The following TACC3 variants were observed in gnomAD, a reference collection of about 807,000 sequenced individuals.
TACC3 encodes the protein transforming acidic coiled-coil-containing protein 3.
A neutral mutation model predicts 86.0 loss-of-function variants in TACC3; 52 were observed. That is an observed-to-expected ratio of 0.60 (90% confidence interval 0.48 to 0.76). TACC3 has a LOEUF of 0.76. Ranked by LOEUF, TACC3 falls within the 30% of genes least tolerant of loss-of-function variation. TACC3 has a pLI of 0.00. For synonymous variants in TACC3, 512 were observed against 430.0 expected (o/e 1.19, Z -2.36); for missense variants, 1,120 against 1,070.4 (o/e 1.05, Z -0.65).
rs1211778405 is a variant in TACC3 at position 1,740,242 on chromosome 4, A to T, written c.2062+240A>T. On this transcript the variant is annotated intron_variant, in intron 12 of 15. Coordinates refer to ENST00000313288, the MANE Select transcript of TACC3 (RefSeq NM_006342.3). ...CTTGGCAGGCCCCACAGTTGTGCAGATGCTGAGCTAGCAGTGGGGCTGTGG... is the reference window on the plus strand; with the variant it reads ...CTTGGCAGGCCCCACAGTTGTGCAGTTGCTGAGCTAGCAGTGGGGCTGTGG... 8.5e-6 allele frequency: 5 copies of T among 586,022 alleles called. No individual in the cohort carries two copies. In the African/African-American group the frequency reaches 9.3e-5, roughly 11 times the overall value. The allele number at this position is 586,022 out of a possible 1,614,324, so 36.3% of individuals were successfully genotyped here. A position where few individuals can be genotyped will look rare whatever the true frequency, so the allele number is the denominator to read the frequency against.
In TACC3 at chr4:1,728,130, C is replaced by G. The variant is rs757267722; in HGVS notation, c.728C>G (p.Ala243Gly). 6.2e-7 allele frequency: 1 copy of G among 1,611,914 alleles called. No homozygotes were observed. Among genetic ancestry groups the G allele is most frequent in the East Asian group, 2.2e-5 (1 of 44,816 alleles). Residue 243 changes from alanine (A) to glycine (G), a missense_variant, in exon 4 of 16, where the codon GCT becomes GGT. Coordinates refer to ENST00000313288, the MANE Select transcript of TACC3 (RefSeq NM_006342.3). Reference sequence around the variant, plus strand: ...GAATGCCGGCACGGTGGGGTCTGTGCTCCCGCAGCAGTGGCCACTTCGCCT... The same window carrying G: ...GAATGCCGGCACGGTGGGGTCTGTGGTCCCGCAGCAGTGGCCACTTCGCCT... ...EEECRHGGVC[A>G]PAAVATSPPG...
At chr4:1,724,839 G>A (rs1323451213) in intron 3 of TACC3, among the ~76,000 whole-genome samples, 1 of 151,694 alleles carries the variant, frequency 6.6e-6, no homozygotes, top group Non-Finnish European at 1.5e-5. Context: ...ACAGCTCACT[G>A]CAGCCTCAAC....
At chr4:1,739,837 CATCCCCCTCGCCATCCTT>C in intron 11 of TACC3, 59 bp downstream of exon 11, 1 of 1,550,078 alleles carries the variant, frequency 6.5e-7, no homozygotes, top group Non-Finnish European at 8.8e-7. Flanking sequence ...TCCTTGTCCC[CATCCCCCTCGCCATCCTT>C]GTCCCCATCC....
intron 3 of TACC3, among the ~76,000 whole-genome samples, chr4:1,724,696 A>T (rs1309642086): frequency 6.6e-6 from 1 of 151,850 alleles, no homozygotes; most frequent in Non-Finnish European, 1.5e-5. Context: ...GGAACACCTC[A>T]TCTGCATCCA....
chr4:1,727,144 A>G (rs901834947), intron 3 of TACC3, among the ~76,000 whole-genome samples: 4 of 151,556 alleles, frequency 2.6e-5, no homozygotes, highest in African/African-American at 9.7e-5. Flanking sequence ...AAAAAAAAAC[A>G]TAAAAATAAA....
chr4:1,727,832 T>A lies in TACC3; in HGVS notation c.430T>A (p.Ser144Thr). The change falls in exon 4 of 16, where the codon TCT (serine) becomes ACT (threonine). Residue 144 changes from serine (S) to threonine (T), a missense_variant. Coordinates refer to ENST00000313288, the MANE Select transcript of TACC3 (RefSeq NM_006342.3). ...PAFGSGSSSE[S>T]GPGALADLDC... is the part of the protein sequence containing the mutation. The stretch of plus-strand genomic sequence containing the variant: ...CTTTGGGAGTGGCAGCTCCAGCGAG[T>A]CTGGCCCAGGTGCCCTGGCTGACCT... 1 of 1,612,966 alleles carries A rather than the reference T, an allele frequency of 6.2e-7. No individual in the cohort carries two copies. Among genetic ancestry groups the A allele is most frequent in the Non-Finnish European group, 8.5e-7 (1 of 1,179,978 alleles).
chr4:1,740,146 C>A lies in TACC3; in HGVS notation c.2062+144C>A, dbSNP rs531684054. On this transcript the variant is annotated intron_variant, in intron 12 of 15. Coordinates refer to ENST00000313288, the MANE Select transcript of TACC3 (RefSeq NM_006342.3). Reference sequence around the variant, plus strand: ...ACGAGTCCCTTCAACATGGGCCCGGCCGTGGAAGCACTGAGGCGAGTTGCG... The same window carrying A: ...ACGAGTCCCTTCAACATGGGCCCGGACGTGGAAGCACTGAGGCGAGTTGCG... 21 of 781,018 alleles carry A rather than the reference C, an allele frequency of 2.7e-5. No homozygotes were observed. The East Asian group carries it at 3.4e-4, about 13-fold the overall frequency. 48.4% of individuals were successfully genotyped at this position (781,018 alleles called of 1,614,324 possible).
Position 1,728,111 on chromosome 4 carries a change from C to G in TACC3, c.709C>G (p.Arg237Gly). Residue 237 changes from arginine (R) to glycine (G), a missense_variant, in exon 4 of 16, where the codon CGG becomes GGG. By Grantham distance (125) the Arg-to-Gly change is moderately radical (BLOSUM62 -2). Transcript: ENST00000313288. ...TCCGCACGGAGCCGAGGAGGAATGC[C>G]GGCACGGTGGGGTCTGTGCTCCCGC... is the stretch of plus-strand genomic sequence containing the variant. ...ETPHGAEEEC[R>G]HGGVCAPAAV... is the part of the protein sequence containing the mutation. 1 of 1,612,416 alleles carries G rather than the reference C, an allele frequency of 6.2e-7. No individual in the cohort carries two copies. Among genetic ancestry groups the G allele is most frequent in the Middle Eastern group, 1.7e-4 (1 of 6,060 alleles).
rs908273963 is a variant in TACC3, at chr4:1,735,043, T to A, written c.1592-230T>A. Among the ~76,000 whole-genome samples the A allele has an allele frequency of 3.9e-5, 6 of 152,214 alleles. No individual in the cohort carries two copies. Among genetic ancestry groups the A allele is most frequent in the Non-Finnish European group, 5.9e-5 (4 of 68,024 alleles). On this transcript the variant is annotated intron_variant, in intron 6 of 15. Transcript: ENST00000313288. This position sits in a 1 kb window ranked among gnomAD's most constrained non-coding sequence, Gnocchi z 4.2. ...TGTTTGTGGTTGTCACACCTGGAGGTGCTGCTGGCAGGGAGTGGGTAGAGG... is the reference window on the plus strand; with the variant it reads ...TGTTTGTGGTTGTCACACCTGGAGGAGCTGCTGGCAGGGAGTGGGTAGAGG...
At chr4:1,731,623 A>G (rs1351586235) in intron 6 of TACC3, among the ~76,000 whole-genome samples, 1 of 152,182 alleles carries the variant, frequency 6.6e-6, no homozygotes, top group Non-Finnish European at 1.5e-5. Context: ...ATCATCAGAA[A>G]TACTGCTTGA....
At chr4:1,740,044 G>A (rs1221296501) in intron 12 of TACC3, 42 bp downstream of exon 12, 8 of 1,606,982 alleles carry the variant, frequency 5.0e-6, no homozygotes, top group African/African-American at 2.7e-5. Context: ...TCCACGAGGG[G>A]CTGCCTATGC....
rs937624323 is a variant in TACC3, at chr4:1,728,102, G to A, written c.700G>A (p.Glu234Lys). ...AGCGGAGACTCCGCACGGAGCCGAGGAGGAATGCCGGCACGGTGGGGTCTG... is the reference window on the plus strand; with the variant it reads ...AGCGGAGACTCCGCACGGAGCCGAGAAGGAATGCCGGCACGGTGGGGTCTG... ...CKAETPHGAE[E>K]ECRHGGVCAP... is the part of the protein sequence containing the mutation. Residue 234 changes from glutamate (E) to lysine (K), a missense_variant, in exon 4 of 16, where the codon GAG (glutamate) becomes AAG (lysine). Coordinates refer to ENST00000313288, the MANE Select transcript of TACC3 (RefSeq NM_006342.3). The A allele has an allele frequency of 3.1e-6, 5 of 1,612,432 alleles. No individual in the cohort carries two copies. The highest frequency in any genetic ancestry group is 4.2e-6 in the Non-Finnish European group (5 of 1,179,830).
Position 1,735,682 on chromosome 4 carries a change from G to C in TACC3, c.1645-49G>C, listed in dbSNP as rs556825339. The C allele has an allele frequency of 6.9e-7, 1 of 1,455,874 alleles. No individual in the cohort carries two copies. Among genetic ancestry groups the C allele is most frequent in the Admixed American group, 1.7e-5 (1 of 59,772 alleles). The allele number at this position is 1,455,874 out of a possible 1,614,324, so 90.2% of individuals were successfully genotyped here. A position where few individuals can be genotyped will look rare whatever the true frequency, so the allele number is the denominator to read the frequency against. On this transcript the variant is annotated intron_variant, in intron 7 of 15. Coordinates refer to ENST00000313288, the MANE Select transcript of TACC3 (RefSeq NM_006342.3). The surrounding 1 kb of genome is among the most constrained non-coding windows in gnomAD (Gnocchi z 4.2). ...CCTCCCTGGCCCTTAGCCCCCGTGTGTGTTAGGGGATGGCAGTCAGACCTG... is the reference window on the plus strand; with the variant it reads ...CCTCCCTGGCCCTTAGCCCCCGTGTCTGTTAGGGGATGGCAGTCAGACCTG...
intron 11 of TACC3, 28 bp downstream of exon 11, chr4:1,739,806 C>G (rs1560321684): frequency 6.4e-7 from 1 of 1,570,356 alleles, no homozygotes; most frequent in African/African-American, 1.4e-5. Flanking sequence ...CCTGTCCTCC[C>G]CGTCCCCATC....
In TACC3 at chr4:1,728,061, C is replaced by T. The variant is rs1478157230; in HGVS notation, c.659C>T (p.Ala220Val). Residue 220 changes from alanine to valine, a missense_variant, in exon 4 of 16, where the codon GCC becomes GTC. By Grantham distance (64) the Ala-to-Val change is moderately conservative. Transcript: ENST00000313288. ...CACAAAGCGGAGACTCCGCACGGAG[C>T]CGAGGAAGAATGCAAAGCGGAGACT... ...SQHKAETPHG[A>V]EEECKAETPH... 6.5e-7 allele frequency: 1 copy of T among 1,542,366 alleles called. No individual in the cohort carries two copies. Among genetic ancestry groups the T allele is most frequent in the Non-Finnish European group, 8.8e-7 (1 of 1,141,562 alleles).
Position 1,735,372 on chromosome 4 carries a change from G to T in TACC3, c.1644+47G>T. Reference sequence around the variant, plus strand: ...GAAGCCTCACCCACAGGGTGTCCGAGAGCAGCCACGGCAGGTCTTGCCCCC... The same window carrying T: ...GAAGCCTCACCCACAGGGTGTCCGATAGCAGCCACGGCAGGTCTTGCCCCC... On this transcript the variant is annotated intron_variant, in intron 7 of 15. Transcript: ENST00000313288. This position sits in a 1 kb window ranked among gnomAD's most constrained non-coding sequence, Gnocchi z 4.2. The T allele has an allele frequency of 6.2e-7, 1 of 1,611,066 alleles. No homozygotes were observed. The highest frequency in any genetic ancestry group is 1.1e-5 in the South Asian group (1 of 91,048).
At chr4:1,733,636 C>T (rs1047103030) in intron 6 of TACC3, among the ~76,000 whole-genome samples, 14 of 151,610 alleles carry the variant, frequency 9.2e-5, no homozygotes, top group Admixed American at 3.9e-4. Flanking sequence ...CCAGTCTGGG[C>T]GACAGCGAGA....
rs753064828 is a variant in TACC3 at position 1,723,677 on chromosome 4, T to C, written c.163-51T>C. On this transcript the variant is annotated intron_variant, in intron 2 of 15. Transcript: ENST00000313288. ...AGCTGCAGGACACTGCTGGTGTGGCTGTAACAGCTTGAACTAATGAATAGG... is the reference window on the plus strand; with the variant it reads ...AGCTGCAGGACACTGCTGGTGTGGCCGTAACAGCTTGAACTAATGAATAGG... 4 of 1,612,874 alleles carry C rather than the reference T, an allele frequency of 2.5e-6. No homozygotes were observed. The Admixed American group carries it at 6.7e-5, about 27-fold the overall frequency.
At chr4:1,730,200 G>A (rs966821145) in intron 4 of TACC3, among the ~76,000 whole-genome samples, 9 of 152,046 alleles carry the variant, frequency 5.9e-5, no homozygotes, top group East Asian at 1.9e-4. Flanking sequence ...CACCATGCCC[G>A]GCTAATTTTT....
Sources: allele counts gnomAD v4.1 joint callset (sites outside exome capture counted in the v4.1 genomes callset), GRCh38; gene constraint gnomAD v4.1.1; non-coding constraint Gnocchi (gnomAD v3.1); transcripts MANE v1.5; gene names NCBI Gene and HGNC (gene_info 2026-07-23, HGNC 2026-07-21).